SEC22A: variants seen among roughly 807,000 people sequenced by gnomAD.
SEC22A encodes vesicle-trafficking protein SEC22a.
Under a neutral mutation model 35.3 loss-of-function variants are expected in SEC22A, and 22 were observed. The ratio of observed to expected loss-of-function variants is 0.62; its 90% CI spans 0.45 to 0.89. The LOEUF (loss-of-function observed/expected upper bound fraction) is 0.89, where lower values mean the gene tolerates loss of function less well. SEC22A is among the 40% of genes least tolerant of loss of function. The pLI is 0.00. For missense variants in SEC22A, 354 were observed against 362.5 expected, an observed-to-expected ratio of 0.98 and a Z score of 0.19; for synonymous variants, 119 against 129.5, an observed-to-expected ratio of 0.92 and a Z score of 0.55.
At chr3:123,226,073 C>T (rs1465141662) in intron 4 of SEC22A, among the ~76,000 whole-genome samples, 1 of 152,106 alleles carries the variant, frequency 6.6e-6, no homozygotes, top group Non-Finnish European at 1.5e-5. Flanking sequence ...TGTATGTGTG[C>T]CACATTTTGT....
chr3:123,224,210 C>T (rs1287742769), intron 3 of SEC22A, among the ~76,000 whole-genome samples: 1 of 151,380 alleles, frequency 6.6e-6, no homozygotes, highest in Non-Finnish European at 1.5e-5. Flanking sequence ...ACAGAATAGT[C>T]AGCAGGCTAG....
intron 5 of SEC22A, among the ~76,000 whole-genome samples, chr3:123,250,032 C>T (rs1937598544): frequency 6.6e-6 from 1 of 152,194 alleles, no homozygotes; most frequent in Admixed American, 6.5e-5. Context: ...GTGGAACTCT[C>T]TGCTTAATTT....
chr3:123,267,006 C>T (rs1034007584), intron 6 of SEC22A, among the ~76,000 whole-genome samples: 6 of 152,106 alleles, frequency 3.9e-5, no homozygotes, highest in African/African-American at 1.4e-4. Flanking sequence ...ATATGTTCCT[C>T]TCTGTCCCTG....
chr3:123,248,485 G>T lies in SEC22A; in HGVS notation c.657+2471G>T, dbSNP rs183354790. Reference sequence around the variant, plus strand: ...TTAAAAATATAATACCATTTATAGTGACACCAAACAAAAAGAGACACTTCA... The same window carrying T: ...TTAAAAATATAATACCATTTATAGTTACACCAAACAAAAAGAGACACTTCA... On this transcript the variant is annotated intron_variant, in intron 5 of 6. Transcript: ENST00000492595. Among the ~76,000 whole-genome samples the T allele has an allele frequency of 2.9e-3, 442 of 152,050 alleles. 4 individuals carry two copies. The highest frequency in any genetic ancestry group is 9.4e-3 in the African/African-American group (388 of 41,386).
At position 123,209,281 on chromosome 3, in the gene SEC22A, A is replaced by G. The variant is rs760975548; in HGVS notation, c.64A>G (p.Thr22Ala). ...VRDGLPLSAS[T>A]DYEQSTGMQE... ...AGATGGACTGCCACTTTCTGCTTCTACTGATTATGAACAAAGCACAGGAAT... is the reference window on the plus strand; with the variant it reads ...AGATGGACTGCCACTTTCTGCTTCTGCTGATTATGAACAAAGCACAGGAAT... The change falls in exon 2 of 7, where the codon ACT becomes GCT. Residue 22 changes from threonine to alanine, a missense_variant. Physicochemically the swap from Thr to Ala is moderately conservative, Grantham distance 58 (BLOSUM62 0). Transcript: ENST00000492595. 17 of 1,613,924 alleles carry G rather than the reference A, an allele frequency of 1.1e-5. No homozygotes were observed. Among genetic ancestry groups the G allele is most frequent in the Non-Finnish European group, 1.3e-5 (15 of 1,179,960 alleles).
intron 6 of SEC22A, among the ~76,000 whole-genome samples, chr3:123,265,643 TCTA>T (rs1938008748): frequency 6.6e-6 from 1 of 152,190 alleles, no homozygotes. Flanking sequence ...CCTAAGTTTC[TCTA>T]CTATGTTTTT....
At position 123,251,041 on chromosome 3, in the gene SEC22A, T is replaced by C. The variant is rs180992994; in HGVS notation, c.657+5027T>C. 8.6e-5 allele frequency among the ~76,000 whole-genome samples: 13 copies of C among 150,562 alleles called. No individual in the cohort carries two copies. The East Asian group carries it at 2.5e-3, about 29-fold the overall frequency. On this transcript the variant is annotated intron_variant, in intron 5 of 6. Transcript: ENST00000492595. ...ATGTAAGCAGAAAGAAAGACAACTT[T>C]TGTTAACTTAATTAGTAGATTTTAA...
At chr3:123,216,899 T>C (rs1937036558) in intron 2 of SEC22A, among the ~76,000 whole-genome samples, 1 of 152,172 alleles carries the variant, frequency 6.6e-6, no homozygotes, top group African/African-American at 2.4e-5. Flanking sequence ...CACAATCAGC[T>C]CATAGCACCC....
chr3:123,235,279 T>C (rs1007679313), intron 4 of SEC22A, among the ~76,000 whole-genome samples: 14 of 152,142 alleles, frequency 9.2e-5, no homozygotes, highest in African/African-American at 2.9e-4. Context: ...TTGTAAATCA[T>C]ATGTCTGATG....
intron 4 of SEC22A, among the ~76,000 whole-genome samples, chr3:123,230,698 G>GC (rs1937310414): frequency 3.8e-5 from 2 of 52,832 alleles, no homozygotes; most frequent in South Asian, 5.2e-4. Context: ...TTCACTTCAT[G>GC]CAAAAAAAAA....
intron 4 of SEC22A, among the ~76,000 whole-genome samples, chr3:123,241,034 CA>C (rs1937515378): frequency 6.6e-6 from 1 of 151,710 alleles, no homozygotes; most frequent in South Asian, 2.1e-4. Context: ...CACACACACA[CA>C]CACACACATC....
chr3:123,212,993 C>G (rs189836802), intron 2 of SEC22A, among the ~76,000 whole-genome samples: 1 of 152,166 alleles, frequency 6.6e-6, no homozygotes, highest in Non-Finnish European at 1.5e-5. Context: ...GGATAACATT[C>G]TTCCAGCAAC....
intron 5 of SEC22A, among the ~76,000 whole-genome samples, chr3:123,250,659 A>G (rs928778505): frequency 3.3e-5 from 5 of 152,124 alleles, no homozygotes; most frequent in African/African-American, 4.8e-5. Context: ...GAAATCAGGA[A>G]TTCATGTTTC....
chr3:123,262,229 C>G (rs984987036), intron 6 of SEC22A, among the ~76,000 whole-genome samples: 1 of 152,144 alleles, frequency 6.6e-6, no homozygotes, highest in Non-Finnish European at 1.5e-5. Flanking sequence ...CTTATGGAAG[C>G]CCAGAGCTCA....
intron 4 of SEC22A, among the ~76,000 whole-genome samples, chr3:123,238,447 T>C (rs2108067851): frequency 6.6e-6 from 1 of 152,270 alleles, no homozygotes; most frequent in South Asian, 2.1e-4. Context: ...CTGCCCACTT[T>C]GGCCTCCCAA....
chr3:123,228,264 G>A (rs1322026218), intron 4 of SEC22A, among the ~76,000 whole-genome samples: 1 of 151,790 alleles, frequency 6.6e-6, no homozygotes, highest in African/African-American at 2.4e-5. Flanking sequence ...TATAAGACAT[G>A]CAAAGAAACA....
chr3:123,220,214 A>G (rs987087421), intron 2 of SEC22A, among the ~76,000 whole-genome samples: 1 of 152,160 alleles, frequency 6.6e-6, no homozygotes, highest in African/African-American at 2.4e-5. Flanking sequence ...TAAGACTCTG[A>G]CATAATACAA....
intron 4 of SEC22A, among the ~76,000 whole-genome samples, chr3:123,233,546 G>A (rs758992477): frequency 6.6e-6 from 1 of 151,920 alleles, no homozygotes; most frequent in Non-Finnish European, 1.5e-5. Context: ...ATCAATTAAT[G>A]TAATATATTG....
chr3:123,260,160 A>AAAAAAAAAC (rs1325772815), intron 6 of SEC22A, among the ~76,000 whole-genome samples: 3 of 134,306 alleles, frequency 2.2e-5, no homozygotes, highest in African/African-American at 8.2e-5. Flanking sequence ...AAAAAAAAAA[A>AAAAAAAAAC]AAAAAAAAAC....
Sources: gnomAD v4.1 joint callset for allele counts (sites outside exome capture counted in the v4.1 genomes callset) on GRCh38, gnomAD v4.1.1 for gene constraint, MANE v1.5 for transcripts, NCBI Gene and HGNC (gene_info 2026-07-23, HGNC 2026-07-21) for gene names.